The following VWA3B variants were observed in gnomAD, a reference collection of about 807,000 sequenced individuals.
VWA3B encodes the protein von Willebrand factor A domain containing 3B, also known as von Willebrand factor A domain-containing protein 3B.
Under a neutral mutation model 158.3 loss-of-function variants are expected in VWA3B, and 138 were observed. The observed-to-expected ratio is 0.87, with a 90% CI of 0.76 to 1.00. The LOEUF (loss-of-function observed/expected upper bound fraction) is 1.00, where lower values mean the gene tolerates loss of function less well. Among genes scored for constraint, VWA3B ranks in the 50% least tolerant of loss-of-function variants. The probability of loss-of-function intolerance (pLI) is 0.00; values close to 1 mark genes in which losing one functional copy is unlikely to be tolerated. For missense variants in VWA3B, 1,555 were observed against 1,565.1 expected, an observed-to-expected ratio of 0.99 and a Z score of 0.11; for synonymous variants, 596 against 587.3, an observed-to-expected ratio of 1.01 and a Z score of -0.21.
chr2:98,172,040 G>C (rs1191838734), intron 8 of VWA3B, among the ~76,000 whole-genome samples: 2 of 152,228 alleles, frequency 1.3e-5, no homozygotes, highest in Non-Finnish European at 2.9e-5. Context: ...CAGCCCCAAT[G>C]GGCGTGTGTT....
intron 8 of VWA3B, among the ~76,000 whole-genome samples, chr2:98,165,721 C>T (rs1239794384): frequency 6.6e-6 from 1 of 152,054 alleles, no homozygotes; most frequent in Non-Finnish European, 1.5e-5. Flanking sequence ...GGGCTTAGGG[C>T]ACTGGTTGCT....
chr2:98,179,786 TTTTCTTTCTTTCTTTC>T (rs202210762), intron 8 of VWA3B, among the ~76,000 whole-genome samples: 2,794 of 116,728 alleles, frequency 0.024, 111 homozygotes, highest in African/African-American at 0.075. Flanking sequence ...TTTCTCTTTC[TTTTCTTTCTTTCTTTC>T]TTTCTTTCTT....
At chr2:98,326,451 T>C in the VWA3B span, among the ~76,000 whole-genome samples, 69 of 152,306 alleles carry the variant, frequency 4.5e-4, no homozygotes, top group Non-Finnish European at 5.3e-4. Flanking sequence ...CTGGTGAATT[T>C]TATCAAATAT....
chr2:98,243,999 C>G (rs891344837), intron 19 of VWA3B, among the ~76,000 whole-genome samples: 20 of 152,154 alleles, frequency 1.3e-4, no homozygotes, highest in African/African-American at 4.6e-4. Context: ...AATAGATAAT[C>G]ACCAGTTTCA....
Position 98,181,044 on chromosome 2 carries a change from A to G in VWA3B, c.1143A>G (p.Ala381=), listed in dbSNP as rs750619370. ...CAGAAACAACCTCTGTTGAGATTGC[A>G]TCGAATCCAGAAGACACCTGGGACT... ...CESETTSVEI[A]SNPEDTWDSK... Residue 381 remains alanine (A), a synonymous_variant, in exon 9 of 28, where the codon GCA becomes GCG. Transcript: ENST00000477737. 4 of 1,614,240 alleles carry G rather than the reference A, an allele frequency of 2.5e-6. No homozygotes were observed. The highest frequency in any genetic ancestry group is 1.7e-6 in the Non-Finnish European group (2 of 1,180,034).
chr2:98,202,921 C>T (rs1330920033), intron 12 of VWA3B, among the ~76,000 whole-genome samples: 1 of 152,104 alleles, frequency 6.6e-6, no homozygotes, highest in Non-Finnish European at 1.5e-5. Context: ...CAACCTCCAC[C>T]TCCCAGGTTC....
At chr2:98,194,566 G>A in intron 12 of VWA3B, 74 bp downstream of exon 12, 2 of 1,551,514 alleles carry the variant, frequency 1.3e-6, no homozygotes, top group Middle Eastern at 1.7e-4. Flanking sequence ...TCACAGGACA[G>A]ACATTCCTGA....
At chr2:98,214,010 T>C (rs1390913556) in intron 13 of VWA3B, among the ~76,000 whole-genome samples, 2 of 151,946 alleles carry the variant, frequency 1.3e-5, no homozygotes, top group Non-Finnish European at 2.9e-5. Context: ...GGACAACATA[T>C]TGAGACCCTG....
intron 13 of VWA3B, among the ~76,000 whole-genome samples, chr2:98,213,187 G>C (rs1465528660): frequency 2.0e-5 from 3 of 152,172 alleles, no homozygotes; most frequent in African/African-American, 7.2e-5. Flanking sequence ...AATATGTGGG[G>C]GGCTCAGAGA....
intron 12 of VWA3B, among the ~76,000 whole-genome samples, chr2:98,205,187 A>G (rs1682914040): frequency 6.6e-6 from 1 of 152,184 alleles, no homozygotes. Context: ...GGGCTTTTTA[A>G]TTACAAATTC....
chr2:98,234,595 GT>G (rs985748487), intron 16 of VWA3B, 52 bp from the exon 17 acceptor site: 4 of 1,610,962 alleles, frequency 2.5e-6, no homozygotes, highest in East Asian at 2.2e-5. Context: ...ATCTAATGAA[GT>G]ATCTCCTTCC....
At chr2:98,295,537 A>C (rs995760155) in intron 23 of VWA3B, among the ~76,000 whole-genome samples, 1 of 152,164 alleles carries the variant, frequency 6.6e-6, no homozygotes. Flanking sequence ...ACTCATCCCC[A>C]GGGAGGCACT....
In VWA3B at chr2:98,087,209, G is replaced by T. The variant is rs1001621556; in HGVS notation, c.-187G>T. The T allele has an allele frequency of 3.3e-5, 5 of 152,196 alleles. No homozygotes were observed. Among genetic ancestry groups the T allele is most frequent in the African/African-American group, 9.7e-5 (4 of 41,436 alleles). 9.4% of individuals were successfully genotyped at this position (152,196 alleles called of 1,614,324 possible). On this transcript the variant is annotated 5_prime_UTR_variant, in exon 1 of 28. Coordinates refer to ENST00000477737, the MANE Select transcript of VWA3B (RefSeq NM_144992.5). The stretch of plus-strand genomic sequence containing the variant: ...AGACCTAGAACAGCTGGAATCCTTC[G>T]CCCCCGGCGCGCAGCCTTCGCCCGC...
At chr2:98,204,242 T>C (rs1187023801) in intron 12 of VWA3B, among the ~76,000 whole-genome samples, 5 of 152,244 alleles carry the variant, frequency 3.3e-5, no homozygotes, top group African/African-American at 4.8e-5. Flanking sequence ...TTTTCCAACC[T>C]CTATGACTTA....
intron 2 of VWA3B, among the ~76,000 whole-genome samples, chr2:98,115,101 C>CTTTTTTTTTTTTT (rs369549458): frequency 2.3e-5 from 3 of 131,644 alleles, no homozygotes; most frequent in Non-Finnish European, 3.3e-5. Flanking sequence ...TCCTATGTTG[C>CTTTTTTTTTTTTT]TTTTTTTTTT....
At chr2:98,204,450 G>A (rs887794564) in intron 12 of VWA3B, among the ~76,000 whole-genome samples, 4 of 152,186 alleles carry the variant, frequency 2.6e-5, no homozygotes, top group African/African-American at 9.7e-5. Context: ...CTAATGTACT[G>A]AATTTTTATA....
At chr2:98,237,929 C>T (rs1685812037) in intron 19 of VWA3B, among the ~76,000 whole-genome samples, 1 of 152,092 alleles carries the variant, frequency 6.6e-6, no homozygotes, top group African/African-American at 2.4e-5. Context: ...ATCATTGTAG[C>T]ATTTGGATAA....
At chr2:98,218,146 A>G in intron 14 of VWA3B, 118 bp downstream of exon 14, 2 of 1,149,610 alleles carry the variant, frequency 1.7e-6, no homozygotes, top group Non-Finnish European at 2.4e-6. Flanking sequence ...TAAGTCAAAA[A>G]AATGAGTCGC....
intron 2 of VWA3B, among the ~76,000 whole-genome samples, chr2:98,102,382 T>A (rs771454191): frequency 1.3e-5 from 2 of 152,178 alleles, no homozygotes; most frequent in Admixed American, 1.3e-4. Context: ...CAATGGTCGC[T>A]GTCTTTTCGG....
Sources: allele counts gnomAD v4.1 joint callset (sites outside exome capture counted in the v4.1 genomes callset), GRCh38; gene constraint gnomAD v4.1.1; transcripts MANE v1.5; gene names NCBI Gene and HGNC (gene_info 2026-07-23, HGNC 2026-07-21).